TTC7B: variants seen among roughly 807,000 people sequenced by gnomAD.
The protein encoded by TTC7B is tetratricopeptide repeat protein 7B.
A neutral mutation model predicts 106.8 loss-of-function variants in TTC7B; 28 were observed. The observed-to-expected ratio is 0.26, with a 90% confidence interval of 0.19 to 0.36. The LOEUF is 0.36. Among genes scored for constraint, TTC7B ranks in the 10% least tolerant of loss-of-function variants. TTC7B has a pLI of 1.00. For missense variants in TTC7B, 862 were observed against 1,076.4 expected (o/e 0.80, Z 2.79); for synonymous variants, 405 against 430.6 (o/e 0.94, Z 0.74).
At chr14:90,716,421 C>A (rs1022344853) in intron 5 of TTC7B, among the ~76,000 whole-genome samples, 1 of 152,180 alleles carries the variant, frequency 6.6e-6, no homozygotes, top group Admixed American at 6.5e-5. Flanking sequence ...ATGGGCCTAG[C>A]AGAAGATTTC....
Position 90,696,388 on chromosome 14 carries a change from C to G in TTC7B, c.699-810G>C, listed in dbSNP as rs560988379. On this transcript the variant is annotated intron_variant, in intron 5 of 19. Coordinates refer to ENST00000328459, the MANE Select transcript of TTC7B (RefSeq NM_001010854.2). ...CCAGCTGGTCCCTTTACATTAAGCA[C>G]GGCCACCACCTATGACATAACTCGG... Among the ~76,000 whole-genome samples, 25 of 152,336 alleles carry G rather than the reference C, an allele frequency of 1.6e-4. No individual in the cohort carries two copies. In the South Asian group the frequency reaches 5.2e-3, roughly 32 times the overall value.
chr14:90,686,274 C>T (rs984318034), intron 7 of TTC7B, among the ~76,000 whole-genome samples: 2 of 152,064 alleles, frequency 1.3e-5, no homozygotes, highest in African/African-American at 2.4e-5. Context: ...TGACAAAATT[C>T]AACACCCATT....
chr14:90,526,143 C>T lies in TTC7B; in HGVS notation c.*15225G>A, dbSNP rs1158951705. 6.6e-6 allele frequency: 1 copy of T among 152,136 alleles called. No homozygotes were observed. The highest frequency in any genetic ancestry group is 1.9e-4 in the East Asian group (1 of 5,194). 9.4% of individuals were successfully genotyped at this position (152,136 alleles called of 1,614,324 possible). A position where few individuals can be genotyped will look rare whatever the true frequency, so the allele number is the denominator to read the frequency against. ...TGGCTGTACCATTTTACATTCCCTC[C>T]AACAACGTATGAGGGTTCCAATTTC... is the stretch of plus-strand genomic sequence containing the variant. On this transcript the variant is annotated 3_prime_UTR_variant, in exon 20 of 20. Transcript: ENST00000328459.
At chr14:90,652,769 C>T in intron 13 of TTC7B, 72 bp downstream of exon 13, 2 of 1,530,820 alleles carry the variant, frequency 1.3e-6, no homozygotes, top group Non-Finnish European at 1.8e-6. Flanking sequence ...TTATAAATAT[C>T]TCTTCTTTTT....
intron 18 of TTC7B, 109 bp downstream of exon 18, chr14:90,593,377 G>A: frequency 2.1e-6 from 3 of 1,423,716 alleles, no homozygotes; most frequent in Non-Finnish European, 2.8e-6. Context: ...CTAATGAGGG[G>A]TGTGGGCTAA....
chr14:90,694,126 G>A (rs991646525), intron 6 of TTC7B, among the ~76,000 whole-genome samples: 6 of 152,196 alleles, frequency 3.9e-5, no homozygotes, highest in Admixed American at 6.5e-5. Context: ...AATTAGTCAG[G>A]TGTGGTGATG....
chr14:90,765,043 T>A (rs1198067823), intron 3 of TTC7B, among the ~76,000 whole-genome samples: 1 of 152,168 alleles, frequency 6.6e-6, no homozygotes, highest in East Asian at 1.9e-4. Flanking sequence ...AATAGTCAAA[T>A]AATAGAAATA....
intron 9 of TTC7B, 63 bp from the exon 10 acceptor site, chr14:90,658,450 T>G (rs2139900686): frequency 6.8e-7 from 1 of 1,469,554 alleles, no homozygotes; most frequent in East Asian, 2.3e-5. Context: ...ACTGCACAAG[T>G]GTGAGTTTGT....
chr14:90,637,245 C>A (rs1884983928), intron 15 of TTC7B, among the ~76,000 whole-genome samples: 1 of 151,226 alleles, frequency 6.6e-6, no homozygotes, highest in African/African-American at 2.4e-5. Context: ...TTATCTTATG[C>A]CAATAAAATT....
chr14:90,669,728 T>C (rs1886560414), intron 9 of TTC7B, among the ~76,000 whole-genome samples: 2 of 152,180 alleles, frequency 1.3e-5, no homozygotes, highest in Non-Finnish European at 2.9e-5. Context: ...CACAATGAGA[T>C]ATCACATCAC....
chr14:90,737,697 T>C (rs962910057), intron 4 of TTC7B, among the ~76,000 whole-genome samples: 3 of 152,104 alleles, frequency 2.0e-5, no homozygotes, highest in Non-Finnish European at 4.4e-5. Flanking sequence ...TAGCTGGGAC[T>C]GCAGGTGCAC....
chr14:90,790,407 A>G (rs1215537023), intron 1 of TTC7B, among the ~76,000 whole-genome samples: 6 of 152,138 alleles, frequency 3.9e-5, no homozygotes, highest in Admixed American at 6.6e-5. Flanking sequence ...TCTTTTCTGT[A>G]TATTTTTAAA....
chr14:90,591,545 A>C (rs1891958103), intron 18 of TTC7B, among the ~76,000 whole-genome samples: 1 of 152,214 alleles, frequency 6.6e-6, no homozygotes. Flanking sequence ...CAGGTCATTA[A>C]GTTTTCTGAG....
intron 15 of TTC7B, among the ~76,000 whole-genome samples, chr14:90,638,260 C>A (rs1885029844): frequency 6.6e-6 from 1 of 151,704 alleles, no homozygotes; most frequent in East Asian, 1.9e-4. Flanking sequence ...TACAGTAAGA[C>A]AAGTTAAAAA....
intron 3 of TTC7B, chr14:90,772,918 A>G (rs1890910920): frequency 6.6e-6 from 1 of 152,272 alleles, no homozygotes; most frequent in Non-Finnish European, 1.5e-5. Flanking sequence ...CCGAGATCAC[A>G]CCAGCCTGGC....
At position 90,742,348 on chromosome 14, in the gene TTC7B, C is replaced by T. The variant is rs1322986230; in HGVS notation, c.576+2444G>A. ...TCTCTCTCTCTCTCTTTCTCTCTTC[C>T]TTTCTTTCTTCATTTGTAGAGACAA... On this transcript the variant is annotated intron_variant, in intron 4 of 19. Coordinates refer to ENST00000328459, the MANE Select transcript of TTC7B (RefSeq NM_001010854.2). The surrounding 1 kb of genome is among the most constrained non-coding windows in gnomAD (Gnocchi z 4.1). Among the ~76,000 whole-genome samples the T allele has an allele frequency of 6.7e-6, 1 of 149,034 alleles. No homozygotes were observed. Among genetic ancestry groups the T allele is most frequent in the Non-Finnish European group, 1.5e-5 (1 of 67,282 alleles).
intron 16 of TTC7B, among the ~76,000 whole-genome samples, chr14:90,617,097 T>G (rs1400178342): frequency 1.3e-5 from 2 of 152,286 alleles, no homozygotes; most frequent in African/African-American, 4.8e-5. Flanking sequence ...CAGCAGACCT[T>G]CCCCGGGTTA....
intron 5 of TTC7B, among the ~76,000 whole-genome samples, chr14:90,715,684 G>A (rs116989552): frequency 0.015 from 2,350 of 152,250 alleles, 25 homozygotes; most frequent in Non-Finnish European, 0.022. Flanking sequence ...GTGAACCCAG[G>A]AGCAGGATCC....
chr14:90,571,940 C>T (rs1476638139), intron 19 of TTC7B, among the ~76,000 whole-genome samples: 1 of 152,178 alleles, frequency 6.6e-6, no homozygotes, highest in Non-Finnish European at 1.5e-5. Context: ...GGAGGAGCCC[C>T]CTGGGAAGTT....
Sources: gnomAD v4.1 joint callset for allele counts (sites outside exome capture counted in the v4.1 genomes callset) on GRCh38, gnomAD v4.1.1 for gene constraint, Gnocchi (gnomAD v3.1) non-coding constraint, MANE v1.5 for transcripts, NCBI Gene and HGNC (gene_info 2026-07-23, HGNC 2026-07-21) for gene names.